NCAM1: variants seen among roughly 807,000 people sequenced by gnomAD.
NCAM1 encodes antigen recognized by monoclonal antibody 5.1H11.
In NCAM1, 14 loss-of-function variants were observed where a neutral mutation model predicts 109.8. That is an observed-to-expected ratio of 0.13 (90% CI 0.08 to 0.20). The LOEUF is 0.20. Ranked by LOEUF, NCAM1 falls within the 10% of genes least tolerant of loss-of-function variation. The pLI, the probability that NCAM1 is intolerant of heterozygous loss-of-function variation, is 1.00. For synonymous variants in NCAM1, 418 were observed against 442.9 expected, an observed-to-expected ratio of 0.94 and a Z score of 0.70; for missense variants, 774 against 1,109.9, an observed-to-expected ratio of 0.70 and a Z score of 4.30.
intron 1 of NCAM1, among the ~76,000 whole-genome samples, chr11:112,966,981 A>G (rs1950744629): frequency 6.6e-6 from 1 of 152,336 alleles, no homozygotes; most frequent in African/African-American, 2.4e-5. Flanking sequence ...TGAAAAACAG[A>G]TTGTAATAAA....
intron 1 of NCAM1, among the ~76,000 whole-genome samples, chr11:113,016,159 A>G (rs1192803741): frequency 2.6e-5 from 4 of 152,226 alleles, no homozygotes; most frequent in Non-Finnish European, 4.4e-5. Flanking sequence ...CATGCAAACA[A>G]TAACAGTAAT....
chr11:113,264,784 A>G (rs1263462024), intron 17 of NCAM1: 31 of 985,376 alleles, frequency 3.1e-5, no homozygotes, highest in Admixed American at 1.8e-4. Context: ...CCTCAGCTGA[A>G]ACAATGTCAG....
intron 1 of NCAM1, among the ~76,000 whole-genome samples, chr11:113,189,449 C>CAAAAA (rs10712434): frequency 3.4e-5 from 4 of 118,034 alleles, no homozygotes; most frequent in Non-Finnish European, 5.4e-5. Context: ...GATTCTGTCT[C>CAAAAA]AAAAAAAAAA....
chr11:113,231,826 A>G lies in NCAM1; in HGVS notation c.1240+31A>G, dbSNP rs183628077. The G allele has an allele frequency of 6.2e-4, 1,007 of 1,612,510 alleles. 7 individuals are homozygous for G. In the African/African-American group the frequency reaches 0.011, roughly 18 times the overall value. ...GAATAAATGGGGAAGGACCTGGGGG[A>G]GGGAGGGGCAAGGCAGGGTCAGGAT... On this transcript the variant is annotated intron_variant, in intron 10 of 19. Transcript: ENST00000316851.
At chr11:113,189,463 A>AAAAG (rs1555109442) in intron 1 of NCAM1, among the ~76,000 whole-genome samples, 4 of 150,472 alleles carry the variant, frequency 2.7e-5, no homozygotes, top group African/African-American at 5.0e-5. Context: ...AAAAAAAAAA[A>AAAAG]AAAAGAAAAG....
chr11:113,249,295 C>G (rs1346965343), intron 15 of NCAM1, among the ~76,000 whole-genome samples: 1 of 152,206 alleles, frequency 6.6e-6, no homozygotes. Context: ...TCGACACAGA[C>G]TTTTCACCAG....
chr11:113,177,155 C>A (rs1477416810), intron 1 of NCAM1, among the ~76,000 whole-genome samples: 1 of 152,150 alleles, frequency 6.6e-6, no homozygotes, highest in Non-Finnish European at 1.5e-5. Flanking sequence ...TCACACATTG[C>A]ATATTTTAAC....
rs372813723 is a variant in NCAM1 at position 113,207,900 on chromosome 11, C to T, written c.814C>T (p.Leu272=). The change falls in exon 7 of 20, where the codon CTG becomes TTG. Residue 272 remains leucine, a synonymous_variant. Transcript: ENST00000316851. ...KYIFSDDSSQ[L]TIKKVDKNDE... ...CATCTTCAGCGACGATAGTTCCCAG[C>T]TGACCATCAAAAAGGTGGATAAGAA... 1.2e-5 allele frequency: 20 copies of T among 1,612,278 alleles called. No individual in the cohort carries two copies. The highest frequency in any genetic ancestry group is 1.5e-5 in the Non-Finnish European group (18 of 1,179,282).
At chr11:113,174,396 G>A (rs1943085709) in intron 1 of NCAM1, among the ~76,000 whole-genome samples, 4 of 152,162 alleles carry the variant, frequency 2.6e-5, no homozygotes, top group Admixed American at 2.6e-4. Context: ...AAGTGCACAG[G>A]CACAAGTTTC....
Position 113,274,781 on chromosome 11 carries a change from C to T in NCAM1, c.2457-486C>T, listed in dbSNP as rs1041408473. ...AGCACAGGGTGGGGTGGGGAAGGGA[C>T]AGGCAAGAGTGGGTTGCAAAGGGGC... On this transcript the variant is annotated intron_variant, in intron 19 of 19. Coordinates refer to ENST00000316851, the MANE Select transcript of NCAM1 (RefSeq NM_181351.5). This position sits in a 1 kb window ranked among gnomAD's most constrained non-coding sequence, Gnocchi z 4.1. Among the ~76,000 whole-genome samples the T allele has an allele frequency of 6.6e-6, 1 of 152,208 alleles. No individual in the cohort carries two copies. Among genetic ancestry groups the T allele is most frequent in the African/African-American group, 2.4e-5 (1 of 41,456 alleles).
chr11:113,118,914 G>C (rs1472415841), intron 1 of NCAM1, among the ~76,000 whole-genome samples: 1 of 152,092 alleles, frequency 6.6e-6, no homozygotes, highest in East Asian at 1.9e-4. Context: ...ACAGGGCACA[G>C]ACAAACAAAA....
At chr11:113,257,702 A>G (rs1254900091) in intron 16 of NCAM1, among the ~76,000 whole-genome samples, 4 of 152,246 alleles carry the variant, frequency 2.6e-5, no homozygotes, top group Non-Finnish European at 5.9e-5. Context: ...AACCTCATTC[A>G]TGTTTGCTAA....
chr11:113,088,718 T>A (rs571613319), intron 1 of NCAM1, among the ~76,000 whole-genome samples: 1 of 152,344 alleles, frequency 6.6e-6, no homozygotes, highest in Non-Finnish European at 1.5e-5. Flanking sequence ...TTTGTCATAT[T>A]TCTCTCACTC....
At chr11:113,171,013 G>A (rs1425564988) in intron 1 of NCAM1, among the ~76,000 whole-genome samples, 2 of 152,202 alleles carry the variant, frequency 1.3e-5, no homozygotes, top group Non-Finnish European at 2.9e-5. Flanking sequence ...TCTGTGGGAA[G>A]TGCAGGGTTC....
chr11:113,015,564 C>T (rs1409834093), intron 1 of NCAM1, among the ~76,000 whole-genome samples: 1 of 151,818 alleles, frequency 6.6e-6, no homozygotes, highest in Non-Finnish European at 1.5e-5. Context: ...GGTGAAACCC[C>T]ATCTCTACTA....
At chr11:113,082,375 A>G (rs547845493) in intron 1 of NCAM1, among the ~76,000 whole-genome samples, 1 of 152,340 alleles carries the variant, frequency 6.6e-6, no homozygotes, top group Admixed American at 6.5e-5. Context: ...TTTTGAGAAA[A>G]TGTTTTGAGC....
intron 1 of NCAM1, among the ~76,000 whole-genome samples, chr11:113,191,307 T>G (rs552126568): frequency 6.6e-6 from 1 of 152,156 alleles, no homozygotes; most frequent in Non-Finnish European, 1.5e-5. Flanking sequence ...CCAGGTGGGC[T>G]CAGGAATTCC....
chr11:113,251,821 C>G (rs1332187720), intron 15 of NCAM1, among the ~76,000 whole-genome samples: 1 of 152,202 alleles, frequency 6.6e-6, no homozygotes, highest in African/African-American at 2.4e-5. Context: ...CACATCAGGA[C>G]TCTCTCAGGC....
intron 1 of NCAM1, among the ~76,000 whole-genome samples, chr11:113,025,777 C>CAG (rs1565390217): frequency 8.6e-5 from 4 of 46,410 alleles, no homozygotes; most frequent in Non-Finnish European, 4.2e-5. Context: ...ACACAGGGAG[C>CAG]CGAGAGAGAG....
Sources: allele counts gnomAD v4.1 joint callset (sites outside exome capture counted in the v4.1 genomes callset), GRCh38; gene constraint gnomAD v4.1.1; non-coding constraint Gnocchi (gnomAD v3.1); transcripts MANE v1.5; gene names NCBI Gene and HGNC (gene_info 2026-07-23, HGNC 2026-07-21).